Variants in CLEC6A observed in about 807,000 individuals in gnomAD.
CLEC6A encodes the protein C-type lectin domain family 6 member A.
A neutral mutation model predicts 25.7 loss-of-function variants in CLEC6A; 22 were observed. The observed-to-expected ratio is 0.85, with a 90% confidence interval of 0.61 to 1.22. The LOEUF (loss-of-function observed/expected upper bound fraction) is 1.22. Among genes scored for constraint, CLEC6A ranks in the 50% most tolerant of loss-of-function variants. The probability of loss-of-function intolerance (pLI) is 0.00; values close to 1 mark genes in which losing one functional copy is unlikely to be tolerated. For synonymous variants in CLEC6A, 92 were observed against 76.7 expected (o/e 1.20, Z -1.04); for missense variants, 240 against 236.8 (o/e 1.01, Z -0.09).
intron 3 of CLEC6A, among the ~76,000 whole-genome samples, chr12:8,463,342 A>G (rs1324802370): frequency 6.6e-6 from 1 of 152,104 alleles, no homozygotes; most frequent in Non-Finnish European, 1.5e-5. Context: ...TGGAAGTCTA[A>G]ATCTTAATGA....
At chr12:8,464,056 G>A (rs991582402) in intron 3 of CLEC6A, among the ~76,000 whole-genome samples, 1 of 152,154 alleles carries the variant, frequency 6.6e-6, no homozygotes, top group Non-Finnish European at 1.5e-5. Context: ...CATTAATAAT[G>A]AGCAGAATGC....
In CLEC6A at chr12:8,456,093, A is replaced by G. The variant is rs745738070; in HGVS notation, c.-19A>G. 18 of 1,613,572 alleles carry G rather than the reference A, an allele frequency of 1.1e-5. No individual in the cohort carries two copies. The South Asian group carries it at 1.9e-4, about 17-fold the overall frequency. ...GTACAAAAGGTTCCTGGACCTTCTC[A>G]ACACAGGGAGCCTGCATAATGATGC... On this transcript the variant is annotated 5_prime_UTR_variant, in exon 1 of 6. Transcript: ENST00000382073.
At chr12:8,470,541 T>C (rs759179658) in intron 4 of CLEC6A, among the ~76,000 whole-genome samples, 2 of 152,232 alleles carry the variant, frequency 1.3e-5, no homozygotes, top group Admixed American at 6.5e-5. Flanking sequence ...CAAATGCCTG[T>C]CATTTGTCTA....
At chr12:8,467,682 TTC>T (rs1480219490) in intron 4 of CLEC6A, among the ~76,000 whole-genome samples, 1 of 152,210 alleles carries the variant, frequency 6.6e-6, no homozygotes, top group Non-Finnish European at 1.5e-5. Flanking sequence ...TTTCTTGATA[TTC>T]CATATGAACT....
intron 4 of CLEC6A, among the ~76,000 whole-genome samples, chr12:8,470,323 T>A (rs1218738550): frequency 6.6e-6 from 1 of 151,964 alleles, no homozygotes; most frequent in East Asian, 1.9e-4. Context: ...GGAATACTTT[T>A]ACTGTTGGTG....
intron 4 of CLEC6A, 34 bp from the exon 5 acceptor site, chr12:8,476,090 CA>C (rs1340671193): frequency 3.6e-6 from 5 of 1,383,584 alleles, no homozygotes; most frequent in African/African-American, 1.4e-5. Flanking sequence ...CTGGAAATAC[CA>C]AAGTCTTTGA....
At chr12:8,477,233 C>A in intron 5 of CLEC6A, 87 bp from the exon 6 acceptor site, 1 of 1,038,324 alleles carries the variant, frequency 9.6e-7, no homozygotes, top group Non-Finnish European at 1.4e-6. Context: ...TCCTAAATCC[C>A]ACTTTGTTCA....
At chr12:8,461,292 C>A (rs1939750395) in intron 3 of CLEC6A, 4 of 547,216 alleles carry the variant, frequency 7.3e-6, no homozygotes, top group Non-Finnish European at 1.3e-5. Flanking sequence ...CAAAAAAAAA[C>A]AAGAAAAGAA....
chr12:8,468,187 C>T (rs548795235), intron 4 of CLEC6A, among the ~76,000 whole-genome samples: 3 of 152,224 alleles, frequency 2.0e-5, no homozygotes, highest in Non-Finnish European at 4.4e-5. Context: ...AAGTGATCCA[C>T]CCACCTCGGC....
chr12:8,465,956 C>T (rs1419733175), intron 4 of CLEC6A, among the ~76,000 whole-genome samples: 4 of 152,144 alleles, frequency 2.6e-5, no homozygotes, highest in African/African-American at 7.2e-5. Context: ...AGTATAATAT[C>T]CACAAGATTC....
intron 3 of CLEC6A, chr12:8,460,817 G>C: frequency 8.9e-7 from 1 of 1,123,058 alleles, no homozygotes; most frequent in Non-Finnish European, 1.4e-6. Flanking sequence ...ATTCGTGTTA[G>C]CCCTGGTGGC....
intron 2 of CLEC6A, among the ~76,000 whole-genome samples, chr12:8,459,152 G>C (rs1055603895): frequency 2.6e-5 from 4 of 151,974 alleles, no homozygotes; most frequent in African/African-American, 9.7e-5. Flanking sequence ...CTTTGTGACA[G>C]TTACCCTTGT....
rs2136368876 is a variant in CLEC6A, at chr12:8,477,535, C to A, written c.*71C>A. On this transcript the variant is annotated 3_prime_UTR_variant, in exon 6 of 6. Transcript: ENST00000382073. ...TTTCCCTGACGTCTTTAAAATTGAACCCTATCATGAAATGATAATTTCTTC... is the reference window on the plus strand; with the variant it reads ...TTTCCCTGACGTCTTTAAAATTGAAACCTATCATGAAATGATAATTTCTTC... 3 of 1,192,180 alleles carry A rather than the reference C, an allele frequency of 2.5e-6. No individual in the cohort carries two copies. Among genetic ancestry groups the A allele is most frequent in the Middle Eastern group, 2.2e-4 (1 of 4,550 alleles). The allele number at this position is 1,192,180 out of a possible 1,614,324, so 73.9% of individuals were successfully genotyped here.
intron 2 of CLEC6A, 117 bp from the exon 3 acceptor site, chr12:8,459,480 G>A (rs1939723793): frequency 1.1e-5 from 7 of 635,830 alleles, no homozygotes; most frequent in Non-Finnish European, 2.0e-5. Context: ...TTTTTATGGG[G>A]CTTGCCTAGA....
intron 4 of CLEC6A, among the ~76,000 whole-genome samples, chr12:8,471,192 A>G (rs183807398): frequency 1.6e-4 from 24 of 152,160 alleles, no homozygotes; most frequent in Admixed American, 5.9e-4. Flanking sequence ...AGTGGTTTGT[A>G]GTATTCTGCT....
chr12:8,472,612 A>G (rs771753771), intron 4 of CLEC6A, among the ~76,000 whole-genome samples: 1 of 152,280 alleles, frequency 6.6e-6, no homozygotes, highest in Admixed American at 6.5e-5. Flanking sequence ...GTGGTGCTGT[A>G]AACTTTTAAC....
chr12:8,466,966 C>T (rs4447245), intron 4 of CLEC6A, among the ~76,000 whole-genome samples: 117,637 of 152,134 alleles, frequency 0.77, 45,943 homozygotes, highest in East Asian at 0.99. Context: ...ACTTTTAAAA[C>T]GTACTGTTGA....
chr12:8,459,033 G>A (rs753323468), intron 2 of CLEC6A, among the ~76,000 whole-genome samples: 17 of 152,106 alleles, frequency 1.1e-4, no homozygotes, highest in Non-Finnish European at 2.4e-4. Flanking sequence ...GTGGCTACCT[G>A]CAGCTAGAAT....
chr12:8,471,418 C>CT (rs900502949), intron 4 of CLEC6A, among the ~76,000 whole-genome samples: 12 of 151,586 alleles, frequency 7.9e-5, no homozygotes, highest in South Asian at 4.2e-4. Flanking sequence ...TGATTCTGGG[C>CT]TTTTTTTTGT....
Sources: gnomAD v4.1 joint callset for allele counts (sites outside exome capture counted in the v4.1 genomes callset) on GRCh38, gnomAD v4.1.1 for gene constraint, MANE v1.5 for transcripts, NCBI Gene and HGNC (gene_info 2026-07-23, HGNC 2026-07-21) for gene names.